DFFB: variants seen among roughly 807,000 people sequenced by gnomAD.
DFFB encodes DNA fragmentation factor 40 kDa subunit.
In DFFB, 29 loss-of-function variants were observed where a neutral mutation model predicts 32.7. The observed-to-expected ratio is 0.89, with a 90% CI of 0.66 to 1.21. The LOEUF (loss-of-function observed/expected upper bound fraction) is 1.21. Among genes scored for constraint, DFFB ranks in the 50% most tolerant of loss-of-function variants. The probability of loss-of-function intolerance (pLI) is 0.00; values close to 1 mark genes in which losing one functional copy is unlikely to be tolerated. For synonymous variants in DFFB, 170 were observed against 177.1 expected (o/e 0.96, Z 0.32); for missense variants, 398 against 440.6 (o/e 0.90, Z 0.87).
rs1293394836 is a variant in DFFB at position 3,872,522 on chromosome 1, C to T, written c.732C>T (p.Tyr244=). The change falls in exon 6 of 7, where the codon TAC becomes TAT. Residue 244 remains tyrosine (Y), a synonymous_variant. Coordinates refer to ENST00000378209, the MANE Select transcript of DFFB (RefSeq NM_004402.4). ...TATCAAGACACTCCATCAACCCCTA[C>T]AGTAACAGGGAGAGCAGGATCCTCT... ...SCLSRHSINP[Y]SNRESRILFS... The T allele has an allele frequency of 6.2e-7, 1 of 1,614,012 alleles. No individual in the cohort carries two copies. Among genetic ancestry groups the T allele is most frequent in the African/African-American group, 1.3e-5 (1 of 74,900 alleles).
rs553101424 is a variant in DFFB at position 3,872,184 on chromosome 1, G to A, written c.682-288G>A. On this transcript the variant is annotated intron_variant, in intron 5 of 6. Coordinates refer to ENST00000378209, the MANE Select transcript of DFFB (RefSeq NM_004402.4). ...AATCCCAGCACTTTGGGAGGCCAAGGCGGGCGGATCACGAGGTCAAGAGAT... is the reference window on the plus strand; with the variant it reads ...AATCCCAGCACTTTGGGAGGCCAAGACGGGCGGATCACGAGGTCAAGAGAT... Among the ~76,000 whole-genome samples the A allele has an allele frequency of 3.5e-4, 53 of 152,280 alleles. 3 individuals carry two copies. The South Asian group carries it at 0.01, about 30-fold the overall frequency.
chr1:3,882,349 T>A (rs930493127), intron 6 of DFFB, among the ~76,000 whole-genome samples: 2 of 151,952 alleles, frequency 1.3e-5, no homozygotes, highest in African/African-American at 4.8e-5. Flanking sequence ...CCACCACGCC[T>A]AGCCTCATGT....
chr1:3,858,005 C>G (rs989725262), intron 1 of DFFB, among the ~76,000 whole-genome samples: 2 of 152,230 alleles, frequency 1.3e-5, no homozygotes, highest in Non-Finnish European at 2.9e-5. Flanking sequence ...GTGCCAGGTA[C>G]TGGCACGCGG....
chr1:3,863,710 G>A (rs1283156918), intron 2 of DFFB, among the ~76,000 whole-genome samples: 4 of 152,092 alleles, frequency 2.6e-5, no homozygotes, highest in Non-Finnish European at 4.4e-5. Flanking sequence ...GCCGAGCCTT[G>A]AAACCATGCC....
chr1:3,863,851 T>C (rs1310368984), intron 2 of DFFB, among the ~76,000 whole-genome samples: 1 of 152,188 alleles, frequency 6.6e-6, no homozygotes, highest in Non-Finnish European at 1.5e-5. Flanking sequence ...GGGAGGTTGG[T>C]AGCTAAAGAG....
At chr1:3,873,913 C>T (rs139376806) in intron 6 of DFFB, among the ~76,000 whole-genome samples, 110 of 152,254 alleles carry the variant, frequency 7.2e-4, no homozygotes, top group African/African-American at 2.6e-3. Flanking sequence ...GTATTGCTTT[C>T]GGAGTGAGAT....
At position 3,869,645 on chromosome 1, in the gene DFFB, A is replaced by G. The variant is rs1432673465; in HGVS notation, c.551A>G (p.Glu184Gly). 1 of 1,613,420 alleles carries G rather than the reference A, an allele frequency of 6.2e-7. No individual in the cohort carries two copies. The change falls in exon 5 of 7, where the codon GAG becomes GGG. Residue 184 changes from glutamate to glycine, a missense_variant. Glu to Gly is a moderately conservative substitution (Grantham distance 98). Transcript: ENST00000378209. ...YPSTVGAEAQ[E>G]EFLRVLGSMC... ...TCCACGGTGGGTGCGGAGGCTCAGG[A>G]GGAATTCCTGCGGGTCCTCGGCTCC...
intron 3 of DFFB, among the ~76,000 whole-genome samples, chr1:3,866,724 C>A (rs1055772493): frequency 2.6e-5 from 4 of 152,074 alleles, no homozygotes; most frequent in Non-Finnish European, 4.4e-5. Flanking sequence ...ACATCACTCC[C>A]CCTTCCCCCT....
intron 6 of DFFB, among the ~76,000 whole-genome samples, chr1:3,877,471 A>G (rs1645248092): frequency 6.6e-6 from 1 of 151,646 alleles, no homozygotes; most frequent in Admixed American, 6.6e-5. Context: ...CTGGGATTAC[A>G]GGTGCGTGCC....
At chr1:3,862,666 C>T (rs2124729074) in intron 2 of DFFB, among the ~76,000 whole-genome samples, 1 of 152,234 alleles carries the variant, frequency 6.6e-6, no homozygotes, top group Non-Finnish European at 1.5e-5. Flanking sequence ...AAGTTGGACT[C>T]TTAGCTGGTA....
chr1:3,876,496 C>A (rs747164292), intron 6 of DFFB, among the ~76,000 whole-genome samples: 2 of 152,206 alleles, frequency 1.3e-5, no homozygotes, highest in African/African-American at 2.4e-5. Context: ...GTTTTCAGCA[C>A]CGGTCTTCGG....
At chr1:3,870,058 A>G (rs749937256) in intron 5 of DFFB, among the ~76,000 whole-genome samples, 4 of 152,254 alleles carry the variant, frequency 2.6e-5, no homozygotes, top group African/African-American at 7.2e-5. Context: ...CCCGGCTGCC[A>G]TAACAGATGA....
rs1557721092 is a variant in DFFB, at chr1:3,872,556, T to C, written c.766T>C (p.Trp256Arg). The change falls in exon 6 of 7, where the codon TGG becomes CGG. Residue 256 changes from tryptophan to arginine, a missense_variant. Coordinates refer to ENST00000378209, the MANE Select transcript of DFFB (RefSeq NM_004402.4). ...NRESRILFSTWNLDHIIEKKR... is the reference protein window; with the variant it reads ...NRESRILFSTRNLDHIIEKKR... ...GGAGAGCAGGATCCTCTTCAGCACC[T>C]GGAACCTGGATCACATGTAAGCTCA... 6.2e-7 allele frequency: 1 copy of C among 1,613,562 alleles called. No individual in the cohort carries two copies. The highest frequency in any genetic ancestry group is 8.5e-7 in the Non-Finnish European group (1 of 1,179,856).
At chr1:3,878,539 G>A (rs184896898) in intron 6 of DFFB, among the ~76,000 whole-genome samples, 9 of 152,268 alleles carry the variant, frequency 5.9e-5, no homozygotes, top group Non-Finnish European at 7.4e-5. Flanking sequence ...CCACCATGCC[G>A]CATCTTCACT....
In DFFB at chr1:3,865,896, A is replaced by G; in HGVS notation, c.326A>G (p.Asp109Gly). The G allele has an allele frequency of 6.2e-7, 1 of 1,613,904 alleles. No homozygotes were observed. Among genetic ancestry groups the G allele is most frequent in the African/African-American group, 1.3e-5 (1 of 75,012 alleles). Reference protein sequence around the residue: ...LIQAAQQLLCDEQAPQRQRLL... With the variant: ...LIQAAQQLLCGEQAPQRQRLL... ...CAGGCCGCCCAGCAGCTGCTGTGTG[A>G]TGAGCAGGCCCCACAGAGGCAGAGG... is the stretch of plus-strand genomic sequence containing the variant. The change falls in exon 3 of 7, where the codon GAT (aspartate) becomes GGT (glycine). Residue 109 changes from aspartate (D) to glycine (G), a missense_variant. By Grantham distance (94) the Asp-to-Gly change is moderately conservative. Transcript: ENST00000378209. This position sits in a 1 kb window ranked among gnomAD's most constrained non-coding sequence, Gnocchi z 4.7.
intron 2 of DFFB, among the ~76,000 whole-genome samples, chr1:3,863,145 CG>C (rs1644909777): frequency 6.6e-6 from 1 of 152,164 alleles, no homozygotes; most frequent in Admixed American, 6.5e-5. Flanking sequence ...GTATCTAATA[CG>C]GGACTTGCAT....
chr1:3,860,768 C>G (rs1012721774), intron 2 of DFFB, among the ~76,000 whole-genome samples: 5 of 152,176 alleles, frequency 3.3e-5, no homozygotes, highest in African/African-American at 1.2e-4. Context: ...TCAAGGTTCT[C>G]CCCTTTATAA....
rs181760725 is a variant in DFFB at position 3,871,156 on chromosome 1, T to C, written c.682-1316T>C. On this transcript the variant is annotated intron_variant, in intron 5 of 6. Coordinates refer to ENST00000378209, the MANE Select transcript of DFFB (RefSeq NM_004402.4). ...AGTACCTTCCTGGCCTCACTTCCCATGAGGTGGGGGTGCTGGTGTGTGATC... is the reference window on the plus strand; with the variant it reads ...AGTACCTTCCTGGCCTCACTTCCCACGAGGTGGGGGTGCTGGTGTGTGATC... Among the ~76,000 whole-genome samples the C allele has an allele frequency of 6.3e-3, 958 of 151,028 alleles. 18 individuals carry two copies. Among genetic ancestry groups the C allele is most frequent in the South Asian group, 0.055 (263 of 4,754 alleles).
Position 3,857,508 on chromosome 1 carries a change from G to T in DFFB, c.-96G>T. Reference sequence around the variant, plus strand: ...CTGTGCCAGCTTGCAGAGCTCACCAGGTGCAGACCCCTGCGGCCAGGGCGA... The same window carrying T: ...CTGTGCCAGCTTGCAGAGCTCACCATGTGCAGACCCCTGCGGCCAGGGCGA... On this transcript the variant is annotated 5_prime_UTR_variant, in exon 1 of 7. In the 5' UTR this introduces an upstream ATG that the reference lacks. Transcript: ENST00000378209. 1 of 831,320 alleles carries T rather than the reference G, an allele frequency of 1.2e-6. No homozygotes were observed. Among genetic ancestry groups the T allele is most frequent in the South Asian group, 2.2e-5 (1 of 45,076 alleles). 51.5% of individuals were successfully genotyped at this position (831,320 alleles called of 1,614,324 possible). A position where few individuals can be genotyped will look rare whatever the true frequency, so the allele number is the denominator to read the frequency against.
Sources: allele counts gnomAD v4.1 joint callset (sites outside exome capture counted in the v4.1 genomes callset), GRCh38; gene constraint gnomAD v4.1.1; non-coding constraint Gnocchi (gnomAD v3.1); transcripts MANE v1.5; gene names NCBI Gene and HGNC (gene_info 2026-07-23, HGNC 2026-07-21).